EGR3: variants seen among roughly 807,000 people sequenced by gnomAD.
The protein encoded by EGR3 is early growth response 3.
A neutral mutation model predicts 22.4 loss-of-function variants in EGR3; 4 were observed. The ratio of observed to expected loss-of-function variants is 0.18; its 90% CI spans 0.09 to 0.41. EGR3 has a LOEUF of 0.41. EGR3 is among the 10% of genes least tolerant of loss of function. EGR3 has a pLI of 1.00. For synonymous variants in EGR3, 219 were observed against 226.8 expected (o/e 0.97, Z 0.31); for missense variants, 315 against 541.3 (o/e 0.58, Z 4.15).
rs903294720 is a variant in EGR3 at position 22,689,552 on chromosome 8, G to A, written c.*921C>T. 6.6e-6 allele frequency: 1 copy of A among 152,614 alleles called. No individual in the cohort carries two copies. The highest frequency in any genetic ancestry group is 6.5e-5 in the Admixed American group (1 of 15,276). The allele number at this position is 152,614 out of a possible 1,614,324, so 9.5% of individuals were successfully genotyped here. Reference sequence around the variant, plus strand: ...GTGGGAGGGCAGGGGGCAAACTCAGGAACATAGATTTCTTAGAGTGGGGCT... The same window carrying A: ...GTGGGAGGGCAGGGGGCAAACTCAGAAACATAGATTTCTTAGAGTGGGGCT... On this transcript the variant is annotated 3_prime_UTR_variant, in exon 2 of 2. Transcript: ENST00000317216.
chr8:22,690,079 A>G lies in EGR3; in HGVS notation c.*394T>C, dbSNP rs1803892765. On this transcript the variant is annotated 3_prime_UTR_variant, in exon 2 of 2. Coordinates refer to ENST00000317216, the MANE Select transcript of EGR3 (RefSeq NM_004430.3). ...CCCTCTCGAGTCTTCGAGGGGGTATAGAGGGAGACGTGGGGGAAACAATGA... is the reference window on the plus strand; with the variant it reads ...CCCTCTCGAGTCTTCGAGGGGGTATGGAGGGAGACGTGGGGGAAACAATGA... 8.7e-6 allele frequency: 2 copies of G among 229,866 alleles called. No individual in the cohort carries two copies. The highest frequency in any genetic ancestry group is 1.0e-4 in the South Asian group (1 of 9,628). The allele number at this position is 229,866 out of a possible 1,614,324, so 14.2% of individuals were successfully genotyped here.
Position 22,692,248 on chromosome 8 carries a change from TC to T in EGR3, c.154+542del. On this transcript the variant is annotated intron_variant, in intron 1 of 1. Transcript: ENST00000317216. The surrounding 1 kb of genome is among the most constrained non-coding windows in gnomAD (Gnocchi z 6.2). ...GTGAACCCCCTCCTTCTCCCCGCCG[TC>T]CCCACACCCCCACGGCTTTGCTGAA... The T allele has an allele frequency of 6.9e-7, 1 of 1,453,600 alleles. No homozygotes were observed. The highest frequency in any genetic ancestry group is 2.6e-5 in the Admixed American group (1 of 39,118). 90.0% of individuals were successfully genotyped at this position (1,453,600 alleles called of 1,614,324 possible). A position where few individuals can be genotyped will look rare whatever the true frequency, so the allele number is the denominator to read the frequency against.
rs138509871 is a variant in EGR3 at position 22,690,509 on chromosome 8, G to A, written c.1128C>T (p.Pro376=). Residue 376 remains proline (P), a synonymous_variant, in exon 2 of 2, where the codon CCC becomes CCT. Transcript: ENST00000317216. ...TGGTGACCACGGGGGCCAGCGACAC[G>A]GGGGGCGCCGAGGATGCAGAGGGTG... ...GGAPSASSAP[P]VSLAPVVTTC... 1.6e-4 allele frequency: 260 copies of A among 1,609,466 alleles called. No individual in the cohort carries two copies. The African/African-American group carries it at 2.4e-3, about 15-fold the overall frequency.
At position 22,691,208 on chromosome 8, in the gene EGR3, C is replaced by A; in HGVS notation, c.429G>T (p.Ala143=). The A allele has an allele frequency of 6.2e-7, 1 of 1,613,892 alleles. No individual in the cohort carries two copies. The highest frequency in any genetic ancestry group is 8.5e-7 in the Non-Finnish European group (1 of 1,179,962). Residue 143 remains alanine (A), a synonymous_variant, in exon 2 of 2, where the codon GCG becomes GCT. Transcript: ENST00000317216. The part of the protein sequence containing the change: ...PQGDVEAMYP[A]LPPYSNCGDL... ...CGCCGCAGTTGGAGTAGGGGGGTAG[C>A]GCGGGATACATGGCCTCCACGTCAC... is the stretch of plus-strand genomic sequence containing the variant.
Position 22,688,175 on chromosome 8 carries a change from T to G in EGR3, c.*2298A>C, listed in dbSNP as rs1803827652. The G allele has an allele frequency of 6.6e-6, 1 of 152,594 alleles. No homozygotes were observed. The highest frequency in any genetic ancestry group is 1.5e-5 in the Non-Finnish European group (1 of 68,034). 9.5% of individuals were successfully genotyped at this position (152,594 alleles called of 1,614,324 possible). On this transcript the variant is annotated 3_prime_UTR_variant, in exon 2 of 2. Coordinates refer to ENST00000317216, the MANE Select transcript of EGR3 (RefSeq NM_004430.3). ...ATAAAAAATCTGGATAGCACAACCT[T>G]TTGGCAACAAAGTTATTTTTCTCTT...
In EGR3 at chr8:22,690,293, G is replaced by A. The variant is rs1285981983; in HGVS notation, c.*180C>T. ...GAAGGCGCCTCCAGCCCTGGCCCCTGACCGCTGGCCGGCGTGAAAGGTTGG... is the reference window on the plus strand; with the variant it reads ...GAAGGCGCCTCCAGCCCTGGCCCCTAACCGCTGGCCGGCGTGAAAGGTTGG... On this transcript the variant is annotated 3_prime_UTR_variant, in exon 2 of 2. Coordinates refer to ENST00000317216, the MANE Select transcript of EGR3 (RefSeq NM_004430.3). The A allele has an allele frequency of 3.3e-6, 2 of 615,054 alleles. No individual in the cohort carries two copies. The highest frequency in any genetic ancestry group is 2.1e-5 in the South Asian group (1 of 47,884). The allele number at this position is 615,054 out of a possible 1,614,324, so 38.1% of individuals were successfully genotyped here. A position where few individuals can be genotyped will look rare whatever the true frequency, so the allele number is the denominator to read the frequency against.
Position 22,693,044 on chromosome 8 carries a change from G to T in EGR3, c.-100C>A. ...AGCGGCATCCGAGAGGCGATCCGTG[G>T]TGCAGGGGAAAAGCATGCGAGAGGG... On this transcript the variant is annotated 5_prime_UTR_variant, in exon 1 of 2. Transcript: ENST00000317216. 7.2e-7 allele frequency: 1 copy of T among 1,389,716 alleles called. No homozygotes were observed. Among genetic ancestry groups the T allele is most frequent in the South Asian group, 1.2e-5 (1 of 81,536 alleles). The allele number at this position is 1,389,716 out of a possible 1,614,324, so 86.1% of individuals were successfully genotyped here. A position where few individuals can be genotyped will look rare whatever the true frequency, so the allele number is the denominator to read the frequency against.
rs1367082917 is a variant in EGR3, at chr8:22,689,036, T to C, written c.*1437A>G. ...ACATAGATGTGTATATGTGTATATATGTACACTCACATGTATATGTACAGA... is the reference window on the plus strand; with the variant it reads ...ACATAGATGTGTATATGTGTATATACGTACACTCACATGTATATGTACAGA... On this transcript the variant is annotated 3_prime_UTR_variant, in exon 2 of 2. Transcript: ENST00000317216. 6.6e-6 allele frequency: 1 copy of C among 152,620 alleles called. No homozygotes were observed. Among genetic ancestry groups the C allele is most frequent in the East Asian group, 1.9e-4 (1 of 5,200 alleles). The allele number at this position is 152,620 out of a possible 1,614,324, so 9.5% of individuals were successfully genotyped here. A position where few individuals can be genotyped will look rare whatever the true frequency, so the allele number is the denominator to read the frequency against.
chr8:22,689,801 T>G lies in EGR3; in HGVS notation c.*672A>C, dbSNP rs1433673847. On this transcript the variant is annotated 3_prime_UTR_variant, in exon 2 of 2. Transcript: ENST00000317216. Reference sequence around the variant, plus strand: ...TGGAAGACCACCTCCTCCAGCCACGTGCGGACCCCCAGCATGGGACATCTC... The same window carrying G: ...TGGAAGACCACCTCCTCCAGCCACGGGCGGACCCCCAGCATGGGACATCTC... 2.0e-5 allele frequency: 3 copies of G among 152,714 alleles called. No individual in the cohort carries two copies. The highest frequency in any genetic ancestry group is 3.2e-3 in the Middle Eastern group (1 of 316). The allele number at this position is 152,714 out of a possible 1,614,324, so 9.5% of individuals were successfully genotyped here.
At position 22,691,259 on chromosome 8, in the gene EGR3, C is replaced by T. The variant is rs754227276; in HGVS notation, c.378G>A (p.Thr126=). 1.9e-6 allele frequency: 3 copies of T among 1,613,984 alleles called. No homozygotes were observed. The highest frequency in any genetic ancestry group is 1.7e-5 in the Admixed American group (1 of 60,020). ...ASGALSTQTS[T]ASMVQPPQGD... ...CCTGCGGTGGCTGCACCATGCTGGC[C>T]GTGGACGTCTGCGTGCTGAGCGCCC... Residue 126 remains threonine, a synonymous_variant, in exon 2 of 2, where the codon ACG becomes ACA. Coordinates refer to ENST00000317216, the MANE Select transcript of EGR3 (RefSeq NM_004430.3).
Position 22,692,936 on chromosome 8 carries a change from G to A in EGR3, c.9C>T (p.Gly3=). The change falls in exon 1 of 2, where the codon GGC becomes GGT. Residue 3 remains glycine, a synonymous_variant. Transcript: ENST00000317216. The surrounding 1 kb of genome is among the most constrained non-coding windows in gnomAD (Gnocchi z 6.2). ...TCACCGGCAGCTTCTCGGCGAGTTT[G>A]CCGGTCATAGCACTCCCGAGCTGCC... The part of the protein sequence containing the change: MT[G]KLAEKLPVTM... The A allele has an allele frequency of 6.2e-7, 1 of 1,611,024 alleles. No homozygotes were observed. The highest frequency in any genetic ancestry group is 8.5e-7 in the Non-Finnish European group (1 of 1,179,350).
Position 22,692,344 on chromosome 8 carries a change from C to T in EGR3, c.154+447G>A. ...CTCCACGCCGCACATGGCTCCATCC[C>T]GGGTGGGAGGCTGAGGGAGTAAGGG... On this transcript the variant is annotated intron_variant, in intron 1 of 1. Transcript: ENST00000317216. This position sits in a 1 kb window ranked among gnomAD's most constrained non-coding sequence, Gnocchi z 6.2. 2 of 1,503,720 alleles carry T rather than the reference C, an allele frequency of 1.3e-6. No individual in the cohort carries two copies. The highest frequency in any genetic ancestry group is 1.8e-6 in the Non-Finnish European group (2 of 1,134,366). 93.1% of individuals were successfully genotyped at this position (1,503,720 alleles called of 1,614,324 possible).
rs565188028 is a variant in EGR3, at chr8:22,692,520, C to A, written c.154+271G>T. The A allele has an allele frequency of 9.2e-6, 13 of 1,420,208 alleles. No individual in the cohort carries two copies. The highest frequency in any genetic ancestry group is 1.2e-5 in the Non-Finnish European group (13 of 1,091,520). 88.0% of individuals were successfully genotyped at this position (1,420,208 alleles called of 1,614,324 possible). A position where few individuals can be genotyped will look rare whatever the true frequency, so the allele number is the denominator to read the frequency against. On this transcript the variant is annotated intron_variant, in intron 1 of 1. Coordinates refer to ENST00000317216, the MANE Select transcript of EGR3 (RefSeq NM_004430.3). This position sits in a 1 kb window ranked among gnomAD's most constrained non-coding sequence, Gnocchi z 6.2. ...CTACCTCCCTCCGGTCGGCGGCTGC[C>A]CCCACCCGGGAGAACCGAAGCCTCT...
Position 22,690,873 on chromosome 8 carries a change from G to A in EGR3, c.764C>T (p.Pro255Leu). 6.3e-7 allele frequency: 1 copy of A among 1,593,422 alleles called. No individual in the cohort carries two copies. Among genetic ancestry groups the A allele is most frequent in the Non-Finnish European group, 8.6e-7 (1 of 1,167,408 alleles). Residue 255 changes from proline (P) to leucine (L), a missense_variant, in exon 2 of 2, where the codon CCC becomes CTC. Physicochemically the swap from Pro to Leu is moderately conservative, Grantham distance 98. Coordinates refer to ENST00000317216, the MANE Select transcript of EGR3 (RefSeq NM_004430.3). ...SLPQPPLTLK[P>L]IRPRKYPNRP... ...GTTGGGGTACTTGCGGGGCCGGATGGGCTTGAGGGTGAGCGGCGGCTGGGG... is the reference window on the plus strand; with the variant it reads ...GTTGGGGTACTTGCGGGGCCGGATGAGCTTGAGGGTGAGCGGCGGCTGGGG...
In EGR3 at chr8:22,693,400, TCTGCCGCCG is replaced by T. The variant is rs1401896702; in HGVS notation, c.-465_-457del. 4 of 143,722 alleles carry T rather than the reference TCTGCCGCCG, an allele frequency of 2.8e-5. No homozygotes were observed. Among genetic ancestry groups the T allele is most frequent in the Admixed American group, 1.7e-4 (2 of 11,746 alleles). 8.9% of individuals were successfully genotyped at this position (143,722 alleles called of 1,614,324 possible). On this transcript the variant is annotated 5_prime_UTR_variant, in exon 1 of 2. Transcript: ENST00000317216. ...CGCCGCCGCCGCCGCCGCCGCCGCCTCTGCCGCCGCTGCCGCCGCTGCTACCACCACCAC... is the reference window on the plus strand; with the variant it reads ...CGCCGCCGCCGCCGCCGCCGCCGCCTCTGCCGCCGCTGCTACCACCACCAC...
rs1273728688 is a variant in EGR3, at chr8:22,690,259, C to G, written c.*214G>C. ...CCCCACGCCTTGGCTAAGTGGGGGACCGCGAGGGGAAGGCGCCTCCAGCCC... is the reference window on the plus strand; with the variant it reads ...CCCCACGCCTTGGCTAAGTGGGGGAGCGCGAGGGGAAGGCGCCTCCAGCCC... On this transcript the variant is annotated 3_prime_UTR_variant, in exon 2 of 2. Coordinates refer to ENST00000317216, the MANE Select transcript of EGR3 (RefSeq NM_004430.3). The G allele has an allele frequency of 3.5e-6, 2 of 575,754 alleles. No individual in the cohort carries two copies. Among genetic ancestry groups the G allele is most frequent in the Non-Finnish European group, 6.1e-6 (2 of 326,364 alleles). The allele number at this position is 575,754 out of a possible 1,614,324, so 35.7% of individuals were successfully genotyped here.
In EGR3 at chr8:22,692,167, C is replaced by T; in HGVS notation, c.154+624G>A. The T allele has an allele frequency of 7.3e-7, 1 of 1,377,906 alleles. No homozygotes were observed. The highest frequency in any genetic ancestry group is 9.3e-7 in the Non-Finnish European group (1 of 1,070,264). 85.4% of individuals were successfully genotyped at this position (1,377,906 alleles called of 1,614,324 possible). On this transcript the variant is annotated intron_variant, in intron 1 of 1. Transcript: ENST00000317216. This position sits in a 1 kb window ranked among gnomAD's most constrained non-coding sequence, Gnocchi z 6.2. ...TGTCTCCATGGCGGGAGAGGCCGCC[C>T]TTCCCCAGCTCCCCGGCCCCGGGAT...
At position 22,690,337 on chromosome 8, in the gene EGR3, G is replaced by C; in HGVS notation, c.*136C>G. The C allele has an allele frequency of 1.4e-6, 1 of 728,762 alleles. No individual in the cohort carries two copies. Among genetic ancestry groups the C allele is most frequent in the Non-Finnish European group, 2.2e-6 (1 of 455,720 alleles). 45.1% of individuals were successfully genotyped at this position (728,762 alleles called of 1,614,324 possible). On this transcript the variant is annotated 3_prime_UTR_variant, in exon 2 of 2. Transcript: ENST00000317216. ...AGGTTGGGAACCGGGGGCATCGAAG[G>C]GGAAGCAAGGGGCCGCACGTCCATG...
At position 22,693,387 on chromosome 8, in the gene EGR3, CGCCGCCGCCGCCTCT is replaced by C; in HGVS notation, c.-458_-444del. On this transcript the variant is annotated 5_prime_UTR_variant, in exon 1 of 2. Transcript: ENST00000317216. Reference sequence around the variant, plus strand: ...CCGCCACCGCCGCCGCCGCCGCCGCCGCCGCCGCCGCCTCTGCCGCCGCTGCCGCCGCTGCTACCA... The same window carrying C: ...CCGCCACCGCCGCCGCCGCCGCCGCCGCCGCCGCTGCCGCCGCTGCTACCA... 1.2e-5 allele frequency: 2 copies of C among 168,768 alleles called. No individual in the cohort carries two copies. Among genetic ancestry groups the C allele is most frequent in the Non-Finnish European group, 2.4e-5 (2 of 82,424 alleles). The allele number at this position is 168,768 out of a possible 1,614,324, so 10.5% of individuals were successfully genotyped here.
Sources: gnomAD v4.1 joint callset for allele counts on GRCh38, gnomAD v4.1.1 for gene constraint, Gnocchi (gnomAD v3.1) non-coding constraint, MANE v1.5 for transcripts, NCBI Gene and HGNC (gene_info 2026-07-23, HGNC 2026-07-21) for gene names.